KCNH8: variants seen among roughly 807,000 people sequenced by gnomAD.
The protein encoded by KCNH8 is potassium voltage-gated channel subfamily H member 8, also known as voltage-gated delayed rectifier potassium channel KCNH8.
KCNH8 carries 70 observed loss-of-function variants against 103.6 expected under a neutral mutation model. The observed-to-expected ratio is 0.68, with a 90% CI of 0.56 to 0.82. The LOEUF is 0.82. Among genes scored for constraint, KCNH8 ranks in the 40% least tolerant of loss-of-function variants. The pLI is 0.00. For missense variants in KCNH8, 1,217 were observed against 1,329.9 expected (o/e 0.92, Z 1.32); for synonymous variants, 498 against 489.4 (o/e 1.02, Z -0.23).
intron 1 of KCNH8, among the ~76,000 whole-genome samples, chr3:19,177,766 T>A (rs2063414541): frequency 6.6e-6 from 1 of 152,068 alleles, no homozygotes; most frequent in African/African-American, 2.4e-5. Flanking sequence ...TGCTTAAAAA[T>A]TATTTGATAT....
At chr3:19,386,141 T>C (rs2066353076) in intron 5 of KCNH8, among the ~76,000 whole-genome samples, 1 of 152,150 alleles carries the variant, frequency 6.6e-6, no homozygotes, top group South Asian at 2.1e-4. Context: ...CTTTCTGCTT[T>C]TTAGTCCGCA....
At chr3:19,496,599 A>G (rs1575140394) in intron 11 of KCNH8, among the ~76,000 whole-genome samples, 1 of 151,986 alleles carries the variant, frequency 6.6e-6, no homozygotes, top group African/African-American at 2.4e-5. Flanking sequence ...GTTTGCTAGT[A>G]TTTTGTTGAG....
intron 11 of KCNH8, among the ~76,000 whole-genome samples, chr3:19,486,497 C>G (rs1002633774): frequency 6.6e-6 from 1 of 152,168 alleles, no homozygotes; most frequent in Non-Finnish European, 1.5e-5. Flanking sequence ...TGGTGGCCGG[C>G]CTTTGGAAAC....
chr3:19,158,685 T>C (rs991664028), intron 1 of KCNH8, among the ~76,000 whole-genome samples: 1 of 151,912 alleles, frequency 6.6e-6, no homozygotes, highest in Non-Finnish European at 1.5e-5. Flanking sequence ...TCTTTCACTG[T>C]TTTGCTTTTT....
intron 1 of KCNH8, among the ~76,000 whole-genome samples, chr3:19,193,200 C>A (rs1158810327): frequency 1.3e-5 from 2 of 151,600 alleles, no homozygotes; most frequent in African/African-American, 2.4e-5. Flanking sequence ...TAAACATTTT[C>A]TAATGCCGAT....
intron 1 of KCNH8, among the ~76,000 whole-genome samples, chr3:19,189,648 T>G (rs964862713): frequency 6.6e-6 from 1 of 152,046 alleles, no homozygotes; most frequent in African/African-American, 2.4e-5. Context: ...ATACCAAATC[T>G]GACCTATAAT....
At chr3:19,193,382 T>A (rs1027237657) in intron 1 of KCNH8, among the ~76,000 whole-genome samples, 1 of 151,670 alleles carries the variant, frequency 6.6e-6, no homozygotes, top group Admixed American at 6.6e-5. Context: ...TGCCATTCTC[T>A]CCCTTTTCTC....
At chr3:19,253,999 C>CAGG (rs2064313795) in intron 2 of KCNH8, 112 bp downstream of exon 2, 1 of 690,324 alleles carries the variant, frequency 1.4e-6, no homozygotes, top group Admixed American at 2.5e-5. Flanking sequence ...CACATACATG[C>CAGG]AGGCTGTTAC....
intron 3 of KCNH8, among the ~76,000 whole-genome samples, chr3:19,296,865 TAAAA>T (rs953361627): frequency 3.4e-5 from 5 of 147,392 alleles, no homozygotes; most frequent in African/African-American, 1.2e-4. Flanking sequence ...ATTTTTTTCT[TAAAA>T]AAAAAAGACA....
At chr3:19,483,954 T>A (rs1341165487) in intron 11 of KCNH8, among the ~76,000 whole-genome samples, 1 of 152,214 alleles carries the variant, frequency 6.6e-6, no homozygotes, top group Non-Finnish European at 1.5e-5. Context: ...TTTACATTTA[T>A]ATTTATATAG....
At chr3:19,268,656 A>C (rs2064547418) in intron 2 of KCNH8, among the ~76,000 whole-genome samples, 1 of 152,146 alleles carries the variant, frequency 6.6e-6, no homozygotes, top group African/African-American at 2.4e-5. Flanking sequence ...GATGGTCATT[A>C]AGGCAGGTCC....
chr3:19,514,400 AAAATT>A (rs2068838001), intron 13 of KCNH8, among the ~76,000 whole-genome samples: 1 of 151,954 alleles, frequency 6.6e-6, no homozygotes. Flanking sequence ...AGTTTATACT[AAAATT>A]AAACATAATA....
At chr3:19,166,264 T>A (rs1181163574) in intron 1 of KCNH8, among the ~76,000 whole-genome samples, 2 of 152,206 alleles carry the variant, frequency 1.3e-5, no homozygotes, top group African/African-American at 4.8e-5. Context: ...TTTCCTCACA[T>A]ACACATGCAG....
chr3:19,459,422 G>T (rs2067586093), intron 11 of KCNH8, among the ~76,000 whole-genome samples: 2 of 151,622 alleles, frequency 1.3e-5, no homozygotes, highest in South Asian at 2.1e-4. Context: ...TTAAAAATCA[G>T]GTTATTTAAT....
intron 7 of KCNH8, among the ~76,000 whole-genome samples, chr3:19,411,776 G>GACACACAC (rs148081857): frequency 6.8e-6 from 1 of 146,192 alleles, no homozygotes; most frequent in African/African-American, 2.5e-5. Context: ...CACACACACA[G>GACACACAC]ACACACACAC....
intron 8 of KCNH8, among the ~76,000 whole-genome samples, chr3:19,446,539 T>C (rs557471883): frequency 6.6e-6 from 1 of 152,078 alleles, no homozygotes; most frequent in South Asian, 2.1e-4. Flanking sequence ...CTTTCTGCCA[T>C]CTGCCATCCA....
At chr3:19,223,343 T>G (rs1195664429) in intron 1 of KCNH8, among the ~76,000 whole-genome samples, 1 of 152,230 alleles carries the variant, frequency 6.6e-6, no homozygotes, top group Non-Finnish European at 1.5e-5. Context: ...CTGACATTTT[T>G]GTCTTTAACT....
chr3:19,498,385 G>C (rs1473797773), intron 11 of KCNH8, among the ~76,000 whole-genome samples: 1 of 151,786 alleles, frequency 6.6e-6, no homozygotes, highest in Non-Finnish European at 1.5e-5. Context: ...TTGTTTGTTT[G>C]TTTTTCTTTC....
rs554533324 is a variant in KCNH8, at chr3:19,173,370, A to AT, written c.76+24582dup. ...GACAGTGCCCGGATTTTTCCTAGTT[A>AT]TTTTTTTCAACAAATATTTATTGAG... is the stretch of plus-strand genomic sequence containing the variant. On this transcript the variant is annotated intron_variant, in intron 1 of 15. Transcript: ENST00000328405. Among the ~76,000 whole-genome samples, 100 of 152,064 alleles carry AT rather than the reference A, an allele frequency of 6.6e-4. No individual in the cohort carries two copies. The South Asian group carries it at 9.3e-3, about 14-fold the overall frequency.
Sources: gnomAD v4.1 joint callset for allele counts (sites outside exome capture counted in the v4.1 genomes callset) on GRCh38, gnomAD v4.1.1 for gene constraint, MANE v1.5 for transcripts, NCBI Gene and HGNC (gene_info 2026-07-23, HGNC 2026-07-21) for gene names.